The following TENM2 variants were observed in gnomAD, a reference collection of about 807,000 sequenced individuals.
TENM2 encodes teneurin transmembrane protein 2, also known as teneurin-2.
TENM2 carries 52 observed loss-of-function variants against 245.2 expected under a neutral mutation model. The ratio of observed to expected loss-of-function variants is 0.21; its 90% CI spans 0.17 to 0.27. The LOEUF is 0.27. Ranked by LOEUF, TENM2 falls within the 10% of genes least tolerant of loss-of-function variation. The probability of loss-of-function intolerance (pLI) is 1.00; values close to 1 mark genes in which losing one functional copy is unlikely to be tolerated. For synonymous variants in TENM2, 1,363 were observed against 1,438.9 expected (o/e 0.95, Z 1.19); for missense variants, 3,046 against 3,666.8 (o/e 0.83, Z 4.37).
intron 2 of TENM2, among the ~76,000 whole-genome samples, chr5:167,492,863 G>T (rs918459380): frequency 7.2e-5 from 11 of 151,988 alleles, no homozygotes; most frequent in Non-Finnish European, 1.6e-4. Flanking sequence ...AAAAGGAATG[G>T]CTCACCCTGA....
At chr5:167,333,075 A>G (rs1243739488) in intron 1 of TENM2, among the ~76,000 whole-genome samples, 2 of 152,250 alleles carry the variant, frequency 1.3e-5, no homozygotes, top group Non-Finnish European at 2.9e-5. Context: ...TTTCAAAATG[A>G]ATTCATAAGC....
intron 25 of TENM2, among the ~76,000 whole-genome samples, chr5:168,240,420 G>A (rs1765977873): frequency 6.6e-6 from 1 of 152,132 alleles, no homozygotes; most frequent in Non-Finnish European, 1.5e-5. Context: ...GCTCTGTATG[G>A]GGATCCTAGC....
chr5:167,662,741 C>T (rs895276102), intron 2 of TENM2, among the ~76,000 whole-genome samples: 1 of 152,016 alleles, frequency 6.6e-6, no homozygotes, highest in Admixed American at 6.6e-5. Context: ...AAATTTTTAC[C>T]TTTCTGAACC....
chr5:167,147,998 T>C, the TENM2 span, among the ~76,000 whole-genome samples: 1 of 152,194 alleles, frequency 6.6e-6, no homozygotes, highest in Non-Finnish European at 1.5e-5. Context: ...TGACTCACCA[T>C]GCCTGCCACT....
At chr5:167,199,528 T>C in the TENM2 span, among the ~76,000 whole-genome samples, 3 of 152,104 alleles carry the variant, frequency 2.0e-5, no homozygotes, top group African/African-American at 7.2e-5. Context: ...TTCCATCTAA[T>C]CTACACAGTT....
chr5:167,796,378 C>T (rs1333992340), intron 2 of TENM2, among the ~76,000 whole-genome samples: 1 of 150,270 alleles, frequency 6.7e-6, no homozygotes, highest in African/African-American at 2.5e-5. Context: ...TCTCTGGTTC[C>T]AGATGCACTG....
At chr5:167,237,952 GT>G in the TENM2 span, among the ~76,000 whole-genome samples, 2 of 144,546 alleles carry the variant, frequency 1.4e-5, no homozygotes, top group African/African-American at 5.1e-5. Context: ...GGAGGTTGCA[GT>G]GAGCCAAGAT....
rs1048111100 is a variant in TENM2 at position 167,489,563 on chromosome 5, C to CTTTA, written c.502+114104_502+114107dup. Among the ~76,000 whole-genome samples the CTTTA allele has an allele frequency of 7.2e-5, 11 of 152,080 alleles. 1 individual carries two copies. Among genetic ancestry groups the CTTTA allele is most frequent in the African/African-American group, 1.9e-4 (8 of 41,418 alleles). ...CTCTCCCTCCCTATCTCCTGCCTTG[C>CTTTA]TTTATTTATTTATTTATATTTGATG... On this transcript the variant is annotated intron_variant, in intron 2 of 28. Coordinates refer to ENST00000518659, the Ensembl canonical transcript of TENM2.
At chr5:168,040,902 C>T (rs1194766309) in intron 5 of TENM2, among the ~76,000 whole-genome samples, 3 of 152,198 alleles carry the variant, frequency 2.0e-5, no homozygotes, top group African/African-American at 4.8e-5. Context: ...ATTTATTTTA[C>T]GTTGACAATG....
intron 1 of TENM2, among the ~76,000 whole-genome samples, chr5:167,352,183 A>G (rs1489901588): frequency 6.6e-6 from 1 of 152,214 alleles, no homozygotes; most frequent in African/African-American, 2.4e-5. Context: ...CTTAAATGAC[A>G]GAAGTCTACT....
At chr5:167,383,764 G>C in intron 2 of TENM2, among the ~76,000 whole-genome samples, 1 of 144,076 alleles carries the variant, frequency 6.9e-6, no homozygotes, top group East Asian at 2.1e-4. Context: ...CCGTATAAAT[G>C]TACCTTCATT....
At chr5:167,046,214 C>T in the TENM2 span, among the ~76,000 whole-genome samples, 2 of 152,110 alleles carry the variant, frequency 1.3e-5, no homozygotes, top group Non-Finnish European at 2.9e-5. Context: ...CTCACCTCTC[C>T]TCCTGCCCAT....
In TENM2 at chr5:168,083,669, G is replaced by GTT. The variant is rs34472305; in HGVS notation, c.1516-6897_1516-6896dup. Among the ~76,000 whole-genome samples, 40 of 151,574 alleles carry GTT rather than the reference G, an allele frequency of 2.6e-4. No homozygotes were observed. The East Asian group carries it at 5.2e-3, about 20-fold the overall frequency. On this transcript the variant is annotated intron_variant, in intron 7 of 28. Transcript: ENST00000518659. The stretch of plus-strand genomic sequence containing the variant: ...TTCTAAATTAGTAAATCAGTAGCAA[G>GTT]TTTTTTTTTCAAAGAATCATGAGTT...
chr5:167,608,035 G>A (rs937199271), intron 2 of TENM2, among the ~76,000 whole-genome samples: 2 of 152,138 alleles, frequency 1.3e-5, no homozygotes, highest in African/African-American at 2.4e-5. Flanking sequence ...AGCATGTGAC[G>A]CCACATCCTT....
chr5:167,773,438 G>A (rs890364330), intron 2 of TENM2, among the ~76,000 whole-genome samples: 1 of 152,116 alleles, frequency 6.6e-6, no homozygotes, highest in South Asian at 2.1e-4. Flanking sequence ...GCTGAGAAAA[G>A]AAAATATATT....
chr5:167,110,761 T>G, the TENM2 span, among the ~76,000 whole-genome samples: 1 of 152,210 alleles, frequency 6.6e-6, no homozygotes, highest in Non-Finnish European at 1.5e-5. Context: ...AAAACTATAG[T>G]GTTTTATTTC....
chr5:168,261,861 A>C (rs1216129102), intron 28 of TENM2, among the ~76,000 whole-genome samples, 188 bp from the exon 31 acceptor site: 1 of 152,196 alleles, frequency 6.6e-6, no homozygotes, highest in Non-Finnish European at 1.5e-5. Context: ...CCAGCCATCC[A>C]TAGTTCAGAG....
chr5:167,534,463 G>C (rs1467542353), intron 2 of TENM2, among the ~76,000 whole-genome samples: 2 of 152,190 alleles, frequency 1.3e-5, no homozygotes, highest in Non-Finnish European at 2.9e-5. Flanking sequence ...AGTTAAATTT[G>C]AATTTCAGAT....
intron 3 of TENM2, among the ~76,000 whole-genome samples, chr5:167,924,110 A>G (rs1457928325): frequency 1.3e-5 from 2 of 152,218 alleles, no homozygotes; most frequent in Non-Finnish European, 2.9e-5. Flanking sequence ...TATGGAGGAC[A>G]GGATGCTTCA....
Sources: gnomAD v4.1 joint callset for allele counts (sites outside exome capture counted in the v4.1 genomes callset) on GRCh38, gnomAD v4.1.1 for gene constraint, MANE v1.5 for transcripts, NCBI Gene and HGNC (gene_info 2026-07-23, HGNC 2026-07-21) for gene names.